Variants in DNAH14 observed in about 807,000 individuals in gnomAD.
DNAH14 encodes axonemal beta dynein heavy chain 14.
In DNAH14, 478 loss-of-function variants were observed where a neutral mutation model predicts 520.9. The ratio of observed to expected loss-of-function variants is 0.92; its 90% CI spans 0.85 to 0.99. DNAH14 has a LOEUF of 0.99. Among genes scored for constraint, DNAH14 ranks in the 50% least tolerant of loss-of-function variants. DNAH14 has a pLI of 0.00. For missense variants in DNAH14, 4,831 were observed against 5,234.5 expected, an observed-to-expected ratio of 0.92 and a Z score of 2.38; for synonymous variants, 1,581 against 1,757.2, an observed-to-expected ratio of 0.90 and a Z score of 2.51.
intron 12 of DNAH14, 103 bp from the exon 13 acceptor site, chr1:225,042,732 T>A: frequency 8.1e-7 from 1 of 1,242,188 alleles, no homozygotes; most frequent in Non-Finnish European, 1.1e-6. Context: ...TCGGTTATAC[T>A]GGAGTTATGA....
chr1:225,330,168 G>A (rs1446399966), intron 64 of DNAH14, among the ~76,000 whole-genome samples: 1 of 152,128 alleles, frequency 6.6e-6, no homozygotes, highest in African/African-American at 2.4e-5. Context: ...TGCTGACAGG[G>A]ATGTGGAGAA....
chr1:225,364,782 T>C lies in DNAH14; in HGVS notation c.11988-10T>C. ...CACATTAAAATATTTATAAATTTTT[T>C]ATTTTGCAGTTTTAATAGTCCAAAC... is the stretch of plus-strand genomic sequence containing the variant. On this transcript the variant is annotated splice_polypyrimidine_tract_variant and intron_variant, in intron 75 of 85. Coordinates refer to ENST00000682510, the MANE Select transcript of DNAH14 (RefSeq NM_001367479.1). 3 of 1,505,370 alleles carry C rather than the reference T, an allele frequency of 2.0e-6. No individual in the cohort carries two copies. Among genetic ancestry groups the C allele is most frequent in the Non-Finnish European group, 2.7e-6 (3 of 1,128,256 alleles). The allele number at this position is 1,505,370 out of a possible 1,614,324, so 93.3% of individuals were successfully genotyped here. A position where few individuals can be genotyped will look rare whatever the true frequency, so the allele number is the denominator to read the frequency against.
At chr1:225,038,579 T>C (rs191895384) in intron 11 of DNAH14, 115 bp from the exon 12 acceptor site, 33 of 1,002,812 alleles carry the variant, frequency 3.3e-5, no homozygotes, top group Non-Finnish European at 4.6e-5. Flanking sequence ...TCTAGTCAGG[T>C]CCTTTGCCTG....
intron 84 of DNAH14, among the ~76,000 whole-genome samples, chr1:225,395,568 C>G (rs1251080412): frequency 4.4e-5 from 6 of 135,944 alleles, no homozygotes; most frequent in Admixed American, 8.3e-5. Flanking sequence ...CTCCAGCCTG[C>G]GCGACAGAGT....
In DNAH14 at chr1:225,128,493, G is replaced by A. The variant is rs538422221; in HGVS notation, c.4254+4879G>A. ...ATGATCAAGTGGGCTTCATGCCTGGGATGCAAGGCTGGTTCAATATACGCA... is the reference window on the plus strand; with the variant it reads ...ATGATCAAGTGGGCTTCATGCCTGGAATGCAAGGCTGGTTCAATATACGCA... On this transcript the variant is annotated intron_variant, in intron 27 of 85. Coordinates refer to ENST00000682510, the MANE Select transcript of DNAH14 (RefSeq NM_001367479.1). Among the ~76,000 whole-genome samples, 4 of 152,170 alleles carry A rather than the reference G, an allele frequency of 2.6e-5. No homozygotes were observed. In the South Asian group the frequency reaches 8.3e-4, roughly 32 times the overall value.
chr1:225,335,528 C>T (rs1433654604), intron 66 of DNAH14, among the ~76,000 whole-genome samples: 1 of 128,442 alleles, frequency 7.8e-6, no homozygotes, highest in Non-Finnish European at 1.8e-5. Context: ...TACATATATA[C>T]ATATGTACAT....
intron 55 of DNAH14, among the ~76,000 whole-genome samples, chr1:225,300,202 G>A (rs760235260): frequency 4.6e-5 from 7 of 152,048 alleles, no homozygotes; most frequent in Admixed American, 1.3e-4. Flanking sequence ...CTATTCAAAC[G>A]CAAATGTAAA....
At chr1:225,071,639 C>T (rs1279826388) in intron 17 of DNAH14, among the ~76,000 whole-genome samples, 1 of 152,024 alleles carries the variant, frequency 6.6e-6, no homozygotes, top group Non-Finnish European at 1.5e-5. Flanking sequence ...TAAAGACATA[C>T]CTAAGATTGG....
At chr1:225,088,115 C>A (rs1372212566) in intron 21 of DNAH14, among the ~76,000 whole-genome samples, 2 of 152,078 alleles carry the variant, frequency 1.3e-5, no homozygotes, top group Non-Finnish European at 2.9e-5. Flanking sequence ...ATAATAATAT[C>A]CAGTACACAA....
At chr1:225,206,642 C>G (rs1227970933) in intron 40 of DNAH14, among the ~76,000 whole-genome samples, 1 of 152,152 alleles carries the variant, frequency 6.6e-6, no homozygotes, top group African/African-American at 2.4e-5. Flanking sequence ...ATGCTCTAAT[C>G]TACTTAACTG....
chr1:225,335,530 T>C (rs547103313), intron 66 of DNAH14, among the ~76,000 whole-genome samples: 2,567 of 143,668 alleles, frequency 0.018, 98 homozygotes, highest in Non-Finnish European at 0.027. Context: ...CATATATACA[T>C]ATGTACATAT....
intron 78 of DNAH14, among the ~76,000 whole-genome samples, chr1:225,376,711 T>C (rs916932640): frequency 6.6e-6 from 1 of 152,236 alleles, no homozygotes; most frequent in Non-Finnish European, 1.5e-5. Flanking sequence ...GGTAATTTTT[T>C]TAATCAGTGA....
chr1:225,215,596 A>G (rs1277021078), intron 41 of DNAH14, among the ~76,000 whole-genome samples: 2 of 152,220 alleles, frequency 1.3e-5, no homozygotes, highest in Admixed American at 1.3e-4. Context: ...GGGTGCATAT[A>G]TATTTAGGAT....
chr1:225,359,012 TACTC>T (rs2095463147), intron 74 of DNAH14, among the ~76,000 whole-genome samples: 2 of 152,226 alleles, frequency 1.3e-5, no homozygotes, highest in Admixed American at 6.5e-5. Flanking sequence ...CTTTTTAAAT[TACTC>T]AGTCTCAGGT....
intron 1 of DNAH14, among the ~76,000 whole-genome samples, chr1:224,950,910 A>G (rs2060130573): frequency 1.3e-5 from 2 of 152,172 alleles, no homozygotes. Context: ...CACTTATTGA[A>G]TTTCATCAAT....
chr1:225,036,728 C>T (rs1360090484), intron 11 of DNAH14, among the ~76,000 whole-genome samples: 1 of 152,140 alleles, frequency 6.6e-6, no homozygotes, highest in Non-Finnish European at 1.5e-5. Flanking sequence ...TGTGCCTGAG[C>T]TGTCTTGTCT....
intron 23 of DNAH14, among the ~76,000 whole-genome samples, chr1:225,113,980 G>C (rs1005949234): frequency 6.6e-6 from 1 of 152,188 alleles, no homozygotes; most frequent in Non-Finnish European, 1.5e-5. Context: ...CCCCATTGTA[G>C]CCAAGCTGGT....
intron 66 of DNAH14, among the ~76,000 whole-genome samples, chr1:225,335,055 T>C (rs1256390322): frequency 2.0e-5 from 3 of 149,400 alleles, no homozygotes; most frequent in African/African-American, 4.9e-5. Flanking sequence ...TATACATATG[T>C]ACATATATGT....
chr1:225,244,962 TCC>T (rs1267727168), intron 43 of DNAH14, among the ~76,000 whole-genome samples: 2 of 152,232 alleles, frequency 1.3e-5, no homozygotes, highest in African/African-American at 4.8e-5. Flanking sequence ...TTTAGATCTT[TCC>T]CGCTTTCTGA....
Sources: gnomAD v4.1 joint callset for allele counts (sites outside exome capture counted in the v4.1 genomes callset) on GRCh38, gnomAD v4.1.1 for gene constraint, MANE v1.5 for transcripts, NCBI Gene and HGNC (gene_info 2026-07-23, HGNC 2026-07-21) for gene names.